The following SCML4 variants were observed in gnomAD, a reference collection of about 807,000 sequenced individuals.
SCML4 encodes sex comb on midleg-like protein 4.
A neutral mutation model predicts 41.1 loss-of-function variants in SCML4; 34 were observed. The observed-to-expected ratio is 0.83, with a 90% CI of 0.63 to 1.10. The LOEUF is 1.10. Ranked by LOEUF, SCML4 falls within the 50% of genes least tolerant of loss-of-function variation. The probability of loss-of-function intolerance (pLI) is 0.00; values close to 1 mark genes in which losing one functional copy is unlikely to be tolerated. For missense variants in SCML4, 522 were observed against 534.1 expected (o/e 0.98, Z 0.22); for synonymous variants, 214 against 220.9 (o/e 0.97, Z 0.28).
At chr6:107,834,872 A>G in the SCML4 span, among the ~76,000 whole-genome samples, 7 of 152,050 alleles carry the variant, frequency 4.6e-5, no homozygotes, top group Non-Finnish European at 8.8e-5. Context: ...CAGGAGGTCA[A>G]GGCTGCAGTG....
chr6:107,758,256 G>A (rs1344305829), intron 2 of SCML4, among the ~76,000 whole-genome samples: 1 of 152,204 alleles, frequency 6.6e-6, no homozygotes, highest in Non-Finnish European at 1.5e-5. Context: ...TGAGTGGCTA[G>A]AGGTAGCCTG....
At chr6:107,707,686 G>A (rs951341447) in intron 7 of SCML4, among the ~76,000 whole-genome samples, 180 bp downstream of exon 7, 15 of 152,274 alleles carry the variant, frequency 9.9e-5, no homozygotes, top group Admixed American at 7.2e-4. Context: ...TCTGCTCTGA[G>A]GAGCCTGTGG....
chr6:107,837,692 C>T, the SCML4 span, among the ~76,000 whole-genome samples: 107 of 152,184 alleles, frequency 7.0e-4, no homozygotes, highest in Non-Finnish European at 1.5e-3. Flanking sequence ...CTGTGGAAAG[C>T]TATTTTCCCT....
At chr6:107,841,892 A>G in the SCML4 span, among the ~76,000 whole-genome samples, 2 of 152,310 alleles carry the variant, frequency 1.3e-5, no homozygotes, top group Admixed American at 6.5e-5. Flanking sequence ...TCTCATGGGA[A>G]GTGGTAGGAA....
rs575605755 is a variant in SCML4 at position 107,774,763 on chromosome 6, T to C, written c.-59-2377A>G. On this transcript the variant is annotated intron_variant, in intron 1 of 7. Transcript: ENST00000369020. ...CAGGCTGGGTGCGGTGGCTCACACC[T>C]GTAATCCCAGCACACTGGGAGGCTG... Among the ~76,000 whole-genome samples, 4 of 152,238 alleles carry C rather than the reference T, an allele frequency of 2.6e-5. No individual in the cohort carries two copies. In the East Asian group the frequency reaches 5.8e-4, roughly 22 times the overall value.
At position 107,744,943 on chromosome 6, in the gene SCML4, G is replaced by C; in HGVS notation, c.682+6C>G. The C allele has an allele frequency of 6.3e-7, 1 of 1,599,554 alleles. No homozygotes were observed. Among genetic ancestry groups the C allele is most frequent in the Non-Finnish European group, 8.5e-7 (1 of 1,171,898 alleles). On this transcript the variant is annotated splice_donor_region_variant and intron_variant, in intron 5 of 7. Transcript: ENST00000369020. Reference sequence around the variant, plus strand: ...CTGCAGGTGGGGGAAGCAGGACAAGGCCTACCTGATTCCATCCTCCCTTCC... The same window carrying C: ...CTGCAGGTGGGGGAAGCAGGACAAGCCCTACCTGATTCCATCCTCCCTTCC...
At chr6:107,803,590 G>A (rs1783467742) in intron 1 of SCML4, among the ~76,000 whole-genome samples, 1 of 146,800 alleles carries the variant, frequency 6.8e-6, no homozygotes. Flanking sequence ...TGACAATGGC[G>A]GTTTTGTGGA....
At chr6:107,730,589 G>C (rs1010498270) in intron 5 of SCML4, among the ~76,000 whole-genome samples, 2 of 152,206 alleles carry the variant, frequency 1.3e-5, no homozygotes, top group Admixed American at 1.3e-4. Context: ...CAGAAAAAAA[G>C]AATGATCTGC....
chr6:107,823,971 G>C (rs1209864302), intron 1 of SCML4, among the ~76,000 whole-genome samples, 155 bp downstream of exon 1: 1 of 152,204 alleles, frequency 6.6e-6, no homozygotes, highest in African/African-American at 2.4e-5. Flanking sequence ...TTTACCTACT[G>C]GACTCAGTGG....
intron 5 of SCML4, among the ~76,000 whole-genome samples, chr6:107,738,604 G>A (rs1777301362): frequency 6.6e-6 from 1 of 152,020 alleles, no homozygotes; most frequent in Non-Finnish European, 1.5e-5. Flanking sequence ...CTGGGCAACA[G>A]AGAGAGAGTC....
intron 2 of SCML4, among the ~76,000 whole-genome samples, chr6:107,751,620 T>TCTCTCTCTCTCTC: frequency 6.7e-6 from 1 of 148,412 alleles, no homozygotes; most frequent in East Asian, 2.1e-4. Context: ...CTTTCTTTCT[T>TCTCTCTCTCTCTC]TCTTTCTTTC....
chr6:107,834,868 G>T, the SCML4 span, among the ~76,000 whole-genome samples: 41 of 151,866 alleles, frequency 2.7e-4, 1 homozygote, highest in African/African-American at 9.4e-4. Context: ...TCGCCAGGAG[G>T]TCAAGGCTGC....
At chr6:107,755,027 C>A (rs1361769857) in intron 2 of SCML4, among the ~76,000 whole-genome samples, 1 of 151,954 alleles carries the variant, frequency 6.6e-6, no homozygotes, top group Non-Finnish European at 1.5e-5. Context: ...TTGCTTGAAC[C>A]CAGGAGATCG....
intron 5 of SCML4, among the ~76,000 whole-genome samples, chr6:107,730,314 C>T (rs1210193112): frequency 6.6e-6 from 1 of 151,948 alleles, no homozygotes; most frequent in Non-Finnish European, 1.5e-5. Context: ...GACCGTAGGG[C>T]TCACAGGCGA....
chr6:107,805,737 G>A (rs1268161998), intron 1 of SCML4, among the ~76,000 whole-genome samples: 6 of 152,204 alleles, frequency 3.9e-5, no homozygotes, highest in African/African-American at 7.2e-5. Flanking sequence ...TACATATGTG[G>A]TGAGCTGTTT....
intron 1 of SCML4, among the ~76,000 whole-genome samples, chr6:107,793,339 G>C (rs1161532899): frequency 6.6e-6 from 1 of 152,212 alleles, no homozygotes; most frequent in Non-Finnish European, 1.5e-5. Context: ...TGAGATACCA[G>C]GTATCACAGC....
At chr6:107,825,651 G>GATGGATGGGCCA (rs1421628105), upstream of SCML4, among the ~76,000 whole-genome samples, 2 of 152,142 alleles carry the variant, frequency 1.3e-5, no homozygotes, top group Non-Finnish European at 2.9e-5. Context: ...AAGAAAATAA[G>GATGGATGGGCCA]ATGGATGGGC....
intron 3 of SCML4, 121 bp from the exon 4 acceptor site, chr6:107,747,010 G>T: frequency 1.3e-6 from 1 of 771,806 alleles, no homozygotes; most frequent in Non-Finnish European, 2.0e-6. Flanking sequence ...GGGAAAGCTG[G>T]CAAGGGCAAA....
At chr6:107,762,080 AC>A (rs1382272018) in intron 2 of SCML4, among the ~76,000 whole-genome samples, 4 of 152,318 alleles carry the variant, frequency 2.6e-5, no homozygotes, top group South Asian at 4.1e-4. Context: ...ATGCATGGCA[AC>A]AATAATATAT....
Sources: allele counts gnomAD v4.1 joint callset (sites outside exome capture counted in the v4.1 genomes callset), GRCh38; gene constraint gnomAD v4.1.1; transcripts MANE v1.5; gene names NCBI Gene and HGNC (gene_info 2026-07-23, HGNC 2026-07-21).